The following ANAPC10 variants were observed in gnomAD, a reference collection of about 807,000 sequenced individuals.
The protein encoded by ANAPC10 is anaphase-promoting complex subunit 10.
In ANAPC10, 12 loss-of-function variants were observed where a neutral mutation model predicts 22.0. The ratio of observed to expected loss-of-function variants is 0.55; its 90% CI spans 0.35 to 0.88. ANAPC10 has a LOEUF of 0.88. Among genes scored for constraint, ANAPC10 ranks in the 40% least tolerant of loss-of-function variants. ANAPC10 has a pLI of 0.01. For missense variants in ANAPC10, 188 were observed against 220.9 expected (o/e 0.85, Z 0.94); for synonymous variants, 65 against 69.5 (o/e 0.94, Z 0.32).
intron 4 of ANAPC10, among the ~76,000 whole-genome samples, chr4:145,016,509 T>C (rs555427006): frequency 1.1e-3 from 167 of 152,278 alleles, no homozygotes; most frequent in African/African-American, 3.5e-3. Flanking sequence ...TGCTCATGGA[T>C]AGGAAGAATC....
At chr4:145,053,487 TATTA>T (rs2041077467) in intron 4 of ANAPC10, among the ~76,000 whole-genome samples, 1 of 152,222 alleles carries the variant, frequency 6.6e-6, no homozygotes, top group African/African-American at 2.4e-5. Context: ...TAATTATCAT[TATTA>T]ATTAGCTATC....
intron 4 of ANAPC10, among the ~76,000 whole-genome samples, chr4:144,997,845 G>T (rs1220558600): frequency 6.6e-6 from 1 of 152,152 alleles, no homozygotes; most frequent in Non-Finnish European, 1.5e-5. Context: ...CATCTCACGT[G>T]CAGAGACACA....
In ANAPC10 at chr4:145,045,438, G is replaced by C. The variant is rs557157272; in HGVS notation, c.327+19134C>G. Among the ~76,000 whole-genome samples the C allele has an allele frequency of 4.3e-4, 65 of 151,758 alleles. 1 individual carries two copies. The highest frequency in any genetic ancestry group is 1.6e-3 in the African/African-American group (65 of 41,426). On this transcript the variant is annotated intron_variant, in intron 4 of 4. Transcript: ENST00000507656. The stretch of plus-strand genomic sequence containing the variant: ...AAACTGTGGTCTATCAACATCACTC[G>C]GCCTAAAAAAAATATGAGTAAATTC...
chr4:145,070,884 T>TA (rs1166336265), intron 3 of ANAPC10, among the ~76,000 whole-genome samples: 4 of 152,274 alleles, frequency 2.6e-5, no homozygotes, highest in East Asian at 1.9e-4. Flanking sequence ...TGAGAAAAGT[T>TA]AGACACCAAA....
chr4:145,077,435 C>T (rs1426669349), intron 3 of ANAPC10, among the ~76,000 whole-genome samples: 1 of 151,926 alleles, frequency 6.6e-6, no homozygotes, highest in African/African-American at 2.4e-5. Flanking sequence ...TTCAGAGAAC[C>T]CCAGAGTATA....
At chr4:145,063,526 A>T (rs1399486436) in intron 4 of ANAPC10, among the ~76,000 whole-genome samples, 1 of 152,152 alleles carries the variant, frequency 6.6e-6, no homozygotes, top group Non-Finnish European at 1.5e-5. Flanking sequence ...AAGAGCCAAG[A>T]CCACAAATTA....
intron 4 of ANAPC10, among the ~76,000 whole-genome samples, chr4:145,047,676 A>G (rs954634633): frequency 1.4e-4 from 22 of 152,148 alleles, no homozygotes; most frequent in Admixed American, 4.6e-4. Flanking sequence ...CTTCATTCAC[A>G]ATAAGTTTCT....
At chr4:145,083,154 CAAT>C (rs1199926580) in intron 2 of ANAPC10, among the ~76,000 whole-genome samples, 52 of 152,160 alleles carry the variant, frequency 3.4e-4, no homozygotes, top group East Asian at 1.9e-3. Context: ...AAATTAACAA[CAAT>C]AATAACAATA....
At chr4:145,040,450 T>C (rs534036294) in intron 4 of ANAPC10, among the ~76,000 whole-genome samples, 12 of 152,342 alleles carry the variant, frequency 7.9e-5, no homozygotes, top group East Asian at 1.9e-4. Flanking sequence ...GCCCAGCCTA[T>C]TGTATGCTTT....
chr4:145,084,165 T>A (rs760434413), intron 2 of ANAPC10, among the ~76,000 whole-genome samples: 9 of 152,196 alleles, frequency 5.9e-5, no homozygotes, highest in Non-Finnish European at 1.2e-4. Context: ...CTATGTCTGT[T>A]CCACGTAATC....
chr4:145,064,422 G>T (rs1743372239), intron 4 of ANAPC10, 150 bp downstream of exon 4: 1 of 534,402 alleles, frequency 1.9e-6, no homozygotes, highest in Non-Finnish European at 3.0e-6. Context: ...GAATTCAGAA[G>T]AAAAAAATTT....
chr4:145,041,207 G>A (rs1339589832), intron 4 of ANAPC10, among the ~76,000 whole-genome samples: 1 of 152,122 alleles, frequency 6.6e-6, no homozygotes, highest in Non-Finnish European at 1.5e-5. Context: ...TAGAACATCT[G>A]TCTAACAATA....
At chr4:145,032,146 G>A (rs1396340517) in intron 4 of ANAPC10, among the ~76,000 whole-genome samples, 8 of 152,192 alleles carry the variant, frequency 5.3e-5, no homozygotes, top group Admixed American at 5.2e-4. Context: ...ACCAGGACCT[G>A]GTTCACAGAT....
At chr4:145,076,780 G>A (rs1304698624) in intron 3 of ANAPC10, among the ~76,000 whole-genome samples, 1 of 152,190 alleles carries the variant, frequency 6.6e-6, no homozygotes, top group African/African-American at 2.4e-5. Context: ...ACCTGGTAGA[G>A]CTGAAAAACT....
intron 4 of ANAPC10, among the ~76,000 whole-genome samples, chr4:145,012,067 C>T (rs951405458): frequency 3.3e-5 from 5 of 151,564 alleles, no homozygotes; most frequent in African/African-American, 7.3e-5. Context: ...ATCTGCTTAG[C>T]GGGAGAAAAA....
rs1246636300 is a variant in ANAPC10 at position 144,995,287 on chromosome 4, G to C, written c.*86C>G. 4 of 756,050 alleles carry C rather than the reference G, an allele frequency of 5.3e-6. No homozygotes were observed. The highest frequency in any genetic ancestry group is 6.2e-6 in the Non-Finnish European group (3 of 483,666). 46.8% of individuals were successfully genotyped at this position (756,050 alleles called of 1,614,324 possible). A position where few individuals can be genotyped will look rare whatever the true frequency, so the allele number is the denominator to read the frequency against. ...ATATACAAAATTAGATATAACGGAT[G>C]CCTTGTTCAATAAAGGTACATGATA... is the stretch of plus-strand genomic sequence containing the variant. On this transcript the variant is annotated 3_prime_UTR_variant, in exon 5 of 5. Coordinates refer to ENST00000507656, the MANE Select transcript of ANAPC10 (RefSeq NM_001256706.2).
chr4:145,065,497 C>A (rs1743544957), intron 3 of ANAPC10, among the ~76,000 whole-genome samples: 2 of 151,982 alleles, frequency 1.3e-5, no homozygotes, highest in South Asian at 4.1e-4. Context: ...CTAATTCAAA[C>A]TTCTGAGAAT....
intron 4 of ANAPC10, among the ~76,000 whole-genome samples, chr4:145,048,661 T>C (rs577708419): frequency 7.2e-5 from 11 of 152,128 alleles, no homozygotes; most frequent in African/African-American, 2.2e-4. Flanking sequence ...AGAAATTCTA[T>C]GAAAACAATT....
At chr4:145,008,525 G>A (rs988481150) in intron 4 of ANAPC10, among the ~76,000 whole-genome samples, 1 of 152,174 alleles carries the variant, frequency 6.6e-6, no homozygotes, top group African/African-American at 2.4e-5. Flanking sequence ...TGCAAGGCTG[G>A]TTCAACATAT....
Sources: allele counts gnomAD v4.1 joint callset (sites outside exome capture counted in the v4.1 genomes callset), GRCh38; gene constraint gnomAD v4.1.1; transcripts MANE v1.5; gene names NCBI Gene and HGNC (gene_info 2026-07-23, HGNC 2026-07-21).